The following EHBP1 variants were observed in gnomAD, a reference collection of about 807,000 sequenced individuals.
The protein encoded by EHBP1 is EH domain-binding protein 1.
Under a neutral mutation model 144.0 loss-of-function variants are expected in EHBP1, and 55 were observed. That is an observed-to-expected ratio of 0.38 (90% CI 0.31 to 0.48). EHBP1 has a LOEUF of 0.48. EHBP1 is among the 20% of genes least tolerant of loss of function. EHBP1 has a pLI of 0.98. For missense variants in EHBP1, 1,200 were observed against 1,364.2 expected (o/e 0.88, Z 1.90); for synonymous variants, 469 against 472.7 (o/e 0.99, Z 0.10).
intron 5 of EHBP1, among the ~76,000 whole-genome samples, chr2:62,818,616 A>G (rs973867063): frequency 6.6e-6 from 1 of 152,196 alleles, no homozygotes; most frequent in Admixed American, 6.5e-5. Context: ...GCAAAGAAGA[A>G]CTGCTCAAAA....
intron 5 of EHBP1, among the ~76,000 whole-genome samples, chr2:62,778,031 C>T (rs1010176489): frequency 6.6e-6 from 1 of 152,160 alleles, no homozygotes; most frequent in African/African-American, 2.4e-5. Flanking sequence ...CTTGGTTCTT[C>T]GTCCTCCGTG....
intron 1 of EHBP1, among the ~76,000 whole-genome samples, chr2:62,680,124 G>C (rs536044044): frequency 1.3e-5 from 2 of 152,158 alleles, no homozygotes; most frequent in Non-Finnish European, 2.9e-5. Flanking sequence ...CTACATGAAC[G>C]CTTTCACTGA....
At chr2:62,850,396 C>G (rs1046129141) in intron 7 of EHBP1, among the ~76,000 whole-genome samples, 1 of 151,904 alleles carries the variant, frequency 6.6e-6, no homozygotes, top group Non-Finnish European at 1.5e-5. Context: ...CTTTTTTGTT[C>G]AATGTGATAA....
At chr2:62,887,949 A>G (rs960837111) in intron 10 of EHBP1, among the ~76,000 whole-genome samples, 9 of 152,336 alleles carry the variant, frequency 5.9e-5, no homozygotes, top group African/African-American at 2.2e-4. Flanking sequence ...TTTTCAGAAC[A>G]TAGAATTACT....
At chr2:62,940,114 G>T in intron 10 of EHBP1, 1 of 421,014 alleles carries the variant, frequency 2.4e-6, no homozygotes, top group South Asian at 1.8e-5. Context: ...AAGACTTTGA[G>T]AATCACTACA....
At chr2:62,676,167 C>T (rs1237019582) in intron 1 of EHBP1, among the ~76,000 whole-genome samples, 1 of 125,592 alleles carries the variant, frequency 8.0e-6, no homozygotes. Flanking sequence ...CAAAATAGAG[C>T]TGCCCTCTTC....
chr2:62,925,117 C>T (rs2055392772), intron 10 of EHBP1, among the ~76,000 whole-genome samples: 1 of 152,136 alleles, frequency 6.6e-6, no homozygotes, highest in Non-Finnish European at 1.5e-5. Flanking sequence ...ACCATATGAT[C>T]ATCTCAATAG....
chr2:62,984,783 A>G (rs1164546301), intron 15 of EHBP1, among the ~76,000 whole-genome samples: 1 of 152,184 alleles, frequency 6.6e-6, no homozygotes, highest in Non-Finnish European at 1.5e-5. Context: ...CAGTACCTAT[A>G]TGAACATTGA....
intron 2 of EHBP1, among the ~76,000 whole-genome samples, chr2:62,722,505 A>T (rs1011848634): frequency 3.9e-5 from 6 of 152,030 alleles, no homozygotes; most frequent in Admixed American, 2.0e-4. Context: ...ATGTAATGTT[A>T]TTACTTAATC....
chr2:62,847,471 C>A (rs974790503), intron 7 of EHBP1, among the ~76,000 whole-genome samples: 2 of 152,088 alleles, frequency 1.3e-5, no homozygotes, highest in African/African-American at 4.8e-5. Context: ...ACACAGAAAG[C>A]AATAACCAGG....
chr2:62,898,120 C>T (rs767029104), intron 10 of EHBP1, among the ~76,000 whole-genome samples: 2 of 152,064 alleles, frequency 1.3e-5, no homozygotes, highest in Non-Finnish European at 2.9e-5. Context: ...TCAAAGGTCA[C>T]GGTAATTTTA....
chr2:62,735,586 G>C (rs866057356), intron 2 of EHBP1, among the ~76,000 whole-genome samples: 1 of 152,056 alleles, frequency 6.6e-6, no homozygotes, highest in Admixed American at 6.5e-5. Flanking sequence ...ACAAATACAA[G>C]TTTTCCTTTT....
intron 13 of EHBP1, among the ~76,000 whole-genome samples, chr2:62,951,303 A>G (rs866964505): frequency 1.3e-5 from 2 of 152,146 alleles, no homozygotes; most frequent in African/African-American, 2.4e-5. Context: ...TCAAGAAAGA[A>G]TTTATATCTT....
chr2:63,031,850 A>T (rs1266972222), intron 19 of EHBP1, among the ~76,000 whole-genome samples: 1 of 152,076 alleles, frequency 6.6e-6, no homozygotes, highest in African/African-American at 2.4e-5. Flanking sequence ...AATCGTTTGA[A>T]CCCTGGAGGT....
At chr2:62,904,539 C>T (rs141541561) in intron 10 of EHBP1, among the ~76,000 whole-genome samples, 56 of 152,196 alleles carry the variant, frequency 3.7e-4, no homozygotes, top group Admixed American at 2.2e-3. Flanking sequence ...TTCACCCCCC[C>T]GGCCCATGGG....
At chr2:63,001,436 T>A (rs13028106) in intron 19 of EHBP1, among the ~76,000 whole-genome samples, 2,834 of 152,272 alleles carry the variant, frequency 0.019, 37 homozygotes, top group Non-Finnish European at 0.027. Context: ...TTCTATACAT[T>A]CTTCAGAATG....
At chr2:62,826,519 A>G (rs1031723738) in intron 6 of EHBP1, 6 of 304,246 alleles carry the variant, frequency 2.0e-5, no homozygotes, top group African/African-American at 6.5e-5. Flanking sequence ...TTAGGATATT[A>G]TAAGTGTTTT....
chr2:62,893,612 T>A (rs771296454), intron 10 of EHBP1, among the ~76,000 whole-genome samples: 2 of 152,218 alleles, frequency 1.3e-5, no homozygotes, highest in African/African-American at 2.4e-5. Flanking sequence ...TGATTTTGTT[T>A]AGGTGAGAAA....
rs190060967 is a variant in EHBP1 at position 62,791,010 on chromosome 2, A to G, written c.312+19618A>G. ...GTTTCTGGATTAAAATAATCAAATC[A>G]CAGAAATTTAGAGCTAGAAGAAAAC... is the stretch of plus-strand genomic sequence containing the variant. On this transcript the variant is annotated intron_variant, in intron 5 of 22. Transcript: ENST00000431489. 3.2e-3 allele frequency among the ~76,000 whole-genome samples: 486 copies of G among 152,208 alleles called. 4 individuals carry two copies. The highest frequency in any genetic ancestry group is 0.011 in the African/African-American group (452 of 41,580).
Sources: gnomAD v4.1 joint callset for allele counts (sites outside exome capture counted in the v4.1 genomes callset) on GRCh38, gnomAD v4.1.1 for gene constraint, MANE v1.5 for transcripts, NCBI Gene and HGNC (gene_info 2026-07-23, HGNC 2026-07-21) for gene names.